The following LGSN variants were observed in gnomAD, a reference collection of about 807,000 sequenced individuals.
The protein encoded by LGSN is lengsin, lens protein with glutamine synthetase domain.
In LGSN, 21 loss-of-function variants were observed where a neutral mutation model predicts 19.5. The ratio of observed to expected loss-of-function variants is 1.07; its 90% confidence interval spans 0.76 to 1.55. The LOEUF (loss-of-function observed/expected upper bound fraction) is 1.55, where lower values mean the gene tolerates loss of function less well. LGSN is among the 40% of genes most tolerant of loss of function. The pLI is 0.00. For missense variants in LGSN, 673 were observed against 608.5 expected (o/e 1.11, Z -1.12); for synonymous variants, 257 against 215.6 (o/e 1.19, Z -1.68).
chr6:63,444,019 A>G, the LGSN span, among the ~76,000 whole-genome samples: 1 of 152,130 alleles, frequency 6.6e-6, no homozygotes, highest in African/African-American at 2.4e-5. Context: ...AAAAAATGCC[A>G]CTGTCCTAAC....
chr6:63,383,494 G>A, the LGSN span, among the ~76,000 whole-genome samples: 2 of 151,776 alleles, frequency 1.3e-5, no homozygotes, highest in Non-Finnish European at 2.9e-5. Flanking sequence ...CCAAAACTTA[G>A]AGATAAACCT....
upstream of LGSN, among the ~76,000 whole-genome samples, chr6:63,321,874 C>A (rs1274390006): frequency 1.3e-5 from 2 of 152,130 alleles, no homozygotes; most frequent in African/African-American, 4.8e-5. Context: ...AGTCATTGAG[C>A]CATGAATGTA....
the LGSN span, among the ~76,000 whole-genome samples, chr6:63,488,766 C>T: frequency 2.6e-5 from 4 of 151,298 alleles, no homozygotes; most frequent in Admixed American, 1.3e-4. Context: ...TGCAGTGAGC[C>T]GAGATCACGC....
At chr6:63,412,415 G>GAAAGAAAGAAGA in the LGSN span, among the ~76,000 whole-genome samples, 1 of 107,770 alleles carries the variant, frequency 9.3e-6, no homozygotes, top group Non-Finnish European at 1.8e-5. Flanking sequence ...AAGAAAGAAA[G>GAAAGAAAGAAGA]AAGAAAGAAA....
the LGSN span, among the ~76,000 whole-genome samples, chr6:63,459,890 C>T: frequency 6.6e-6 from 1 of 151,964 alleles, no homozygotes; most frequent in South Asian, 2.1e-4. Context: ...GAGCAAAACT[C>T]CATCTCAAAA....
intron 2 of LGSN, 56 bp downstream of exon 2, chr6:63,294,857 C>T (rs145036770): frequency 1.3e-6 from 2 of 1,554,778 alleles, no homozygotes; most frequent in African/African-American, 1.4e-5. Context: ...AAAGAAAGAC[C>T]AAATGGAGAT....
chr6:63,529,712 G>T, the LGSN span, among the ~76,000 whole-genome samples: 3 of 152,130 alleles, frequency 2.0e-5, no homozygotes, highest in African/African-American at 4.8e-5. Context: ...TGGAGGAAAA[G>T]GTTATGCATT....
the LGSN span, among the ~76,000 whole-genome samples, chr6:63,527,038 G>A: frequency 1.3e-5 from 2 of 151,928 alleles, no homozygotes; most frequent in African/African-American, 4.8e-5. Context: ...CCTTATATAT[G>A]TATTTCTACC....
chr6:63,405,465 C>T, the LGSN span, among the ~76,000 whole-genome samples: 1 of 152,258 alleles, frequency 6.6e-6, no homozygotes, highest in East Asian at 1.9e-4. Flanking sequence ...TCTTCAGCAC[C>T]TGATGTTTCC....
chr6:63,420,076 T>C, the LGSN span, among the ~76,000 whole-genome samples: 4 of 149,370 alleles, frequency 2.7e-5, no homozygotes, highest in Non-Finnish European at 5.9e-5. Context: ...GATGGCAGGC[T>C]CCTGTAGTCC....
the LGSN span, among the ~76,000 whole-genome samples, chr6:63,421,663 G>A: frequency 2.0e-5 from 3 of 151,826 alleles, no homozygotes; most frequent in South Asian, 4.2e-4. Context: ...GGGAGGCGGA[G>A]GTTGCAATGA....
the LGSN span, among the ~76,000 whole-genome samples, chr6:63,493,637 C>T: frequency 6.6e-6 from 1 of 152,176 alleles, no homozygotes; most frequent in Admixed American, 6.5e-5. Context: ...GGAGATATTC[C>T]TCCCTTGACC....
At chr6:63,408,211 C>T in the LGSN span, among the ~76,000 whole-genome samples, 2 of 151,906 alleles carry the variant, frequency 1.3e-5, no homozygotes, top group Non-Finnish European at 2.9e-5. Context: ...AAAAAGAGCC[C>T]ACATCGCCAA....
At chr6:63,432,097 GAAA>G in the LGSN span, among the ~76,000 whole-genome samples, 2 of 31,268 alleles carry the variant, frequency 6.4e-5, no homozygotes, top group African/African-American at 1.4e-4. Flanking sequence ...AGGAAAGAAA[GAAA>G]GAAAGAAAGA....
At chr6:63,493,967 T>TA in the LGSN span, among the ~76,000 whole-genome samples, 1 of 151,162 alleles carries the variant, frequency 6.6e-6, no homozygotes, top group Non-Finnish European at 1.5e-5. Flanking sequence ...TTTTTTTTTT[T>TA]GAGACGGAGT....
the LGSN span, among the ~76,000 whole-genome samples, chr6:63,341,920 T>C: frequency 1.3e-5 from 2 of 152,266 alleles, no homozygotes; most frequent in African/African-American, 4.8e-5. Context: ...GTGTCCTCTG[T>C]TCAACCACTT....
chr6:63,372,333 G>T, the LGSN span, among the ~76,000 whole-genome samples: 1 of 152,072 alleles, frequency 6.6e-6, no homozygotes, highest in African/African-American at 2.4e-5. Context: ...TCATTTCTTT[G>T]GTCAAGCTGA....
chr6:63,306,596 T>C (rs1226073050), intron 1 of LGSN, among the ~76,000 whole-genome samples: 1 of 152,120 alleles, frequency 6.6e-6, no homozygotes, highest in Non-Finnish European at 1.5e-5. Flanking sequence ...AATATTACAA[T>C]CTAGTAGAGG....
the LGSN span, among the ~76,000 whole-genome samples, chr6:63,475,938 G>T: frequency 2.6e-5 from 4 of 152,202 alleles, no homozygotes; most frequent in Non-Finnish European, 5.9e-5. Flanking sequence ...GAGGGAAAAG[G>T]CAGGGTGTCT....
Sources: gnomAD v4.1 joint callset for allele counts (sites outside exome capture counted in the v4.1 genomes callset) on GRCh38, gnomAD v4.1.1 for gene constraint, MANE v1.5 for transcripts, NCBI Gene and HGNC (gene_info 2026-07-23, HGNC 2026-07-21) for gene names.